CCDC169: variants seen among roughly 807,000 people sequenced by gnomAD.
CCDC169 encodes coiled-coil domain containing 169, also known as coiled-coil domain-containing protein 169.
In CCDC169, 30 loss-of-function variants were observed where a neutral mutation model predicts 36.0. That is an observed-to-expected ratio of 0.83 (90% CI 0.62 to 1.13). The LOEUF (loss-of-function observed/expected upper bound fraction) is 1.13. CCDC169 is among the 50% of genes most tolerant of loss of function. The pLI is 0.00. For missense variants in CCDC169, 245 were observed against 245.9 expected (o/e 1.00, Z 0.03); for synonymous variants, 85 against 81.5 (o/e 1.04, Z -0.23).
rs1201651616 is a variant in CCDC169 at position 36,230,778 on chromosome 13, CT to C, written c.*414del. 1.0e-6 allele frequency: 1 copy of C among 986,654 alleles called. No homozygotes were observed. Among genetic ancestry groups the C allele is most frequent in the Non-Finnish European group, 1.2e-6 (1 of 830,984 alleles). The allele number at this position is 986,654 out of a possible 1,614,324, so 61.1% of individuals were successfully genotyped here. A position where few individuals can be genotyped will look rare whatever the true frequency, so the allele number is the denominator to read the frequency against. ...AACTTAAAATGGACTTGATTTTCGG[CT>C]TTGTTTAAACCTGCAATTTAAAAAA... On this transcript the variant is annotated 3_prime_UTR_variant, in exon 8 of 8. Coordinates refer to ENST00000239859, the MANE Select transcript of CCDC169 (RefSeq NM_001144981.3).
chr13:36,249,526 G>A (rs976684331), intron 6 of CCDC169, among the ~76,000 whole-genome samples: 3 of 152,198 alleles, frequency 2.0e-5, no homozygotes, highest in Non-Finnish European at 4.4e-5. Context: ...AATGAAAAGA[G>A]ATAGAGGACT....
In CCDC169 at chr13:36,255,692, G is replaced by C. The variant is rs558195786; in HGVS notation, c.316-1549C>G. On this transcript the variant is annotated intron_variant, in intron 4 of 7. Coordinates refer to ENST00000239859, the MANE Select transcript of CCDC169 (RefSeq NM_001144981.3). ...AAAAAAAAAAAGAGGCCTGCTTGCC[G>C]ATCAGACTTTGGACTTGTCCTGTGA... Among the ~76,000 whole-genome samples the C allele has an allele frequency of 7.5e-3, 1,104 of 146,306 alleles. 14 individuals carry two copies. The highest frequency in any genetic ancestry group is 0.027 in the African/African-American group (1,071 of 40,206).
At chr13:36,222,359 G>A (rs1328322804), downstream of CCDC169, 1 of 152,220 alleles carries the variant, frequency 6.6e-6, no homozygotes, top group Non-Finnish European at 1.5e-5. Flanking sequence ...GAGTACCAGA[G>A]AGCTAACAGA....
At chr13:36,259,190 G>A (rs1298792888) in intron 4 of CCDC169, among the ~76,000 whole-genome samples, 2 of 152,132 alleles carry the variant, frequency 1.3e-5, no homozygotes, top group African/African-American at 2.4e-5. Context: ...GCAGGATGGC[G>A]GAATTAGAAG....
intron 7 of CCDC169, among the ~76,000 whole-genome samples, chr13:36,247,470 T>C (rs973472402): frequency 7.9e-5 from 12 of 152,038 alleles, no homozygotes; most frequent in African/African-American, 2.7e-4. Flanking sequence ...ACTAAGAACA[T>C]TTGTGATTTA....
intron 7 of CCDC169, among the ~76,000 whole-genome samples, chr13:36,236,414 A>G (rs1871087817): frequency 6.6e-6 from 1 of 152,016 alleles, no homozygotes; most frequent in African/African-American, 2.4e-5. Context: ...TAGTGTCTTC[A>G]ACCTATGGTG....
intron 4 of CCDC169, chr13:36,281,107 G>A (rs559146666): frequency 2.1e-4 from 73 of 347,656 alleles, no homozygotes; most frequent in African/African-American, 1.3e-3. Context: ...GAATGATAAC[G>A]TGAAGCAGCT....
chr13:36,274,586 A>G (rs1440156818), intron 4 of CCDC169: 2 of 152,202 alleles, frequency 1.3e-5, no homozygotes, highest in Non-Finnish European at 2.9e-5. Context: ...ATTAACAACA[A>G]CGAAAATCAT....
chr13:36,273,957 CA>C (rs1876442470), intron 4 of CCDC169, among the ~76,000 whole-genome samples: 1 of 152,170 alleles, frequency 6.6e-6, no homozygotes, highest in Admixed American at 6.5e-5. Context: ...CAGAGAGACA[CA>C]AAGTATTTTC....
At chr13:36,229,112 A>G (rs1302068224), downstream of CCDC169, among the ~76,000 whole-genome samples, 1 of 152,194 alleles carries the variant, frequency 6.6e-6, no homozygotes, top group Non-Finnish European at 1.5e-5. Flanking sequence ...GAAAGAGACT[A>G]TAAAGAAGTA....
intron 2 of CCDC169, among the ~76,000 whole-genome samples, chr13:36,288,101 C>A (rs1454490406): frequency 6.6e-6 from 1 of 152,024 alleles, no homozygotes; most frequent in Non-Finnish European, 1.5e-5. Context: ...CTCCACCTCC[C>A]TGATTCACGC....
rs909545073 is a variant in CCDC169 at position 36,231,103 on chromosome 13, C to A, written c.*90G>T. On this transcript the variant is annotated 3_prime_UTR_variant, in exon 8 of 8. Transcript: ENST00000239859. ...TGGCAGTTCTTATCTATTTTATTCC[C>A]TGAAGAAATGTGCTGACCATTAACT... 3.4e-6 allele frequency: 5 copies of A among 1,466,842 alleles called. No homozygotes were observed. The African/African-American group carries it at 5.7e-5, about 17-fold the overall frequency. The allele number at this position is 1,466,842 out of a possible 1,614,324, so 90.9% of individuals were successfully genotyped here.
At chr13:36,256,597 C>A (rs1308878006) in intron 4 of CCDC169, among the ~76,000 whole-genome samples, 1 of 152,170 alleles carries the variant, frequency 6.6e-6, no homozygotes, top group Admixed American at 6.5e-5. Flanking sequence ...AGAGCCAAAC[C>A]ATATCACTCA....
At chr13:36,294,425 T>C (rs889679642) in intron 2 of CCDC169, among the ~76,000 whole-genome samples, 2 of 152,132 alleles carry the variant, frequency 1.3e-5, no homozygotes, top group African/African-American at 4.8e-5. Flanking sequence ...GATATGGAGA[T>C]AGAGGAAGCT....
rs1250970675 is a variant in CCDC169 at position 36,283,609 on chromosome 13, A to AT, written c.256dup (p.Ile86AsnfsTer8). 2 of 1,551,230 alleles carry AT rather than the reference A, an allele frequency of 1.3e-6. No homozygotes were observed. Among genetic ancestry groups the AT allele is most frequent in the Admixed American group, 2.0e-5 (1 of 50,948 alleles). ...TTTTGTACCTGAAGAGTTTCCATGG[A>AT]TTTTTTCCACTTTCTCCTTGAGATA... is the stretch of plus-strand genomic sequence containing the variant. On this transcript the variant is annotated frameshift_variant, in exon 3 of 8. Coordinates refer to ENST00000239859, the MANE Select transcript of CCDC169 (RefSeq NM_001144981.3). LOFTEE classifies it high-confidence loss of function.
chr13:36,281,933 T>C (rs964339503), intron 4 of CCDC169, among the ~76,000 whole-genome samples: 2 of 152,174 alleles, frequency 1.3e-5, no homozygotes, highest in Non-Finnish European at 2.9e-5. Flanking sequence ...GAGATAAAAT[T>C]ATATTAAAAT....
chr13:36,232,882 T>C (rs1323785537), intron 7 of CCDC169, among the ~76,000 whole-genome samples: 1 of 151,572 alleles, frequency 6.6e-6, no homozygotes, highest in African/African-American at 2.4e-5. Context: ...ACTCTGTCTC[T>C]AAAAAAAAGG....
intron 2 of CCDC169, among the ~76,000 whole-genome samples, chr13:36,293,341 A>G (rs764120921): frequency 1.4e-4 from 21 of 152,052 alleles, no homozygotes; most frequent in Non-Finnish European, 2.9e-4. Flanking sequence ...ATTTTTATCA[A>G]TTACTTAGCA....
At chr13:36,296,850 G>A (rs554634538) in intron 1 of CCDC169, among the ~76,000 whole-genome samples, 3 of 152,272 alleles carry the variant, frequency 2.0e-5, no homozygotes, top group Non-Finnish European at 4.4e-5. Flanking sequence ...AGAAAACTGA[G>A]GATTAAAGAG....
Sources: allele counts gnomAD v4.1 joint callset (sites outside exome capture counted in the v4.1 genomes callset), GRCh38; gene constraint gnomAD v4.1.1; transcripts MANE v1.5; gene names NCBI Gene and HGNC (gene_info 2026-07-23, HGNC 2026-07-21).